ARRDC2: variants seen among roughly 807,000 people sequenced by gnomAD.
ARRDC2 encodes arrestin domain-containing protein 2.
Under a neutral mutation model 38.9 loss-of-function variants are expected in ARRDC2, and 39 were observed. The ratio of observed to expected loss-of-function variants is 1.00; its 90% CI spans 0.78 to 1.31. The LOEUF is 1.31. ARRDC2 is among the 50% of genes most tolerant of loss of function. The pLI is 0.00. For synonymous variants in ARRDC2, 300 were observed against 261.9 expected, an observed-to-expected ratio of 1.15 and a Z score of -1.41; for missense variants, 553 against 588.4, an observed-to-expected ratio of 0.94 and a Z score of 0.62.
At chr19:18,006,187 C>T (rs1456379736), upstream of ARRDC2, among the ~76,000 whole-genome samples, 53 of 151,472 alleles carry the variant, frequency 3.5e-4, no homozygotes, top group African/African-American at 1.2e-3. Flanking sequence ...AGACGATGGG[C>T]GGTCAGGCAG....
chr19:18,003,095 G>A (rs748364548), intron 1 of ARRDC2, among the ~76,000 whole-genome samples: 13 of 151,786 alleles, frequency 8.6e-5, no homozygotes, highest in Non-Finnish European at 1.2e-4. Flanking sequence ...GCGAAACTCC[G>A]TCTCAAAAAC....
chr19:18,001,449 G>C, exon 1 of ARRDC2: 4 of 1,265,506 alleles, frequency 3.2e-6, no homozygotes, highest in Non-Finnish European at 4.0e-6. Context: ...GAGCGCTCGA[G>C]GTGAAGGCGC....
In ARRDC2 at chr19:18,009,007, T is replaced by A; in HGVS notation, c.378T>A (p.Ser126Arg). 6.2e-7 allele frequency: 1 copy of A among 1,613,726 alleles called. No individual in the cohort carries two copies. The highest frequency in any genetic ancestry group is 2.2e-5 in the East Asian group (1 of 44,868). Residue 126 changes from serine (S) to arginine (R), a missense_variant, in exon 3 of 8, where the codon AGT becomes AGA. Ser to Arg is a moderately radical substitution (Grantham distance 110, BLOSUM62 -1). Coordinates refer to ENST00000222250, the MANE Select transcript of ARRDC2 (RefSeq NM_015683.2). ...CATCCTTCGAGGGCAAACACGGTAG[T>A]GTCCGCTACTGTATCAAGGCCACCC... is the stretch of plus-strand genomic sequence containing the variant. Reference protein sequence around the residue: ...LVTSFEGKHGSVRYCIKATLH... With the variant: ...LVTSFEGKHGRVRYCIKATLH...
At chr19:18,005,722 A>AC (rs1319464431), upstream of ARRDC2, among the ~76,000 whole-genome samples, 11 of 135,980 alleles carry the variant, frequency 8.1e-5, no homozygotes, top group East Asian at 8.7e-4. Context: ...TGGGGGGCTG[A>AC]CCCCCCGCCT....
At position 18,008,370 on chromosome 19, in the gene ARRDC2, C is replaced by G. The variant is rs769856978; in HGVS notation, c.60C>G (p.Val20=). The G allele has an allele frequency of 1.7e-5, 27 of 1,596,110 alleles. No individual in the cohort carries two copies. Among genetic ancestry groups the G allele is most frequent in the Non-Finnish European group, 2.3e-5 (27 of 1,178,712 alleles). Residue 20 remains valine (V), a synonymous_variant, in exon 1 of 8, where the codon GTC becomes GTG. Transcript: ENST00000222250. ...AGTTGGACGGCGCGACCGCGGGCGT[C>G]GAGCCCGTGTTTAGCGGCGGCCAGG... ...SVQLDGATAG[V]EPVFSGGQAV...
upstream of ARRDC2, chr19:18,008,121 A>ACACCC: frequency 8.2e-6 from 3 of 364,078 alleles, no homozygotes; most frequent in South Asian, 5.6e-5. Context: ...CGGTGACCCC[A>ACACCC]CCCCCCCCCG....
At position 18,008,772 on chromosome 19, in the gene ARRDC2, G is replaced by GC. The variant is rs767241138; in HGVS notation, c.341dup (p.Thr115AspfsTer12). On this transcript the variant is annotated frameshift_variant, in exon 2 of 8. Coordinates refer to ENST00000222250, the MANE Select transcript of ARRDC2 (RefSeq NM_015683.2). LOFTEE classifies it high-confidence loss of function. ...ATGAGTTCCTGTTCAGCTTCCAGCTGCCCCCGTAAGTCCTCTGGGGTGCAG... is the reference window on the plus strand; with the variant it reads ...ATGAGTTCCTGTTCAGCTTCCAGCTGCCCCCCGTAAGTCCTCTGGGGTGCAG... 6.2e-7 allele frequency: 1 copy of GC among 1,613,208 alleles called. No individual in the cohort carries two copies. The highest frequency in any genetic ancestry group is 8.5e-7 in the Non-Finnish European group (1 of 1,180,006).
In ARRDC2 at chr19:18,010,674, C is replaced by A. The variant is rs762350939; in HGVS notation, c.1115C>A (p.Pro372Gln). 1.2e-6 allele frequency: 2 copies of A among 1,613,902 alleles called. No homozygotes were observed. The highest frequency in any genetic ancestry group is 1.7e-6 in the Non-Finnish European group (2 of 1,180,024). ...GACCCCGACATGAGCCTTGAAGGCC[C>A]GTTCTTCGCCTACATCCAAGAGTTC... The part of the protein sequence containing the change: ...PQDPDMSLEG[P>Q]FFAYIQEFRY... Residue 372 changes from proline to glutamine, a missense_variant, in exon 7 of 8, where the codon CCG becomes CAG. Physicochemically the swap from Pro to Gln is moderately conservative, Grantham distance 76 (BLOSUM62 -1). Transcript: ENST00000222250.
Position 18,008,186 on chromosome 19 carries a change from T to G in ARRDC2, c.-125T>G. ...CGGCGCGGGGATTTTCTGCTCCGGT[T>G]GGTGAGCGCGCCTGCGCGTTGACGG... On this transcript the variant is annotated 5_prime_UTR_variant, in exon 1 of 8. Transcript: ENST00000222250. The G allele has an allele frequency of 7.9e-7, 1 of 1,266,894 alleles. No individual in the cohort carries two copies. The highest frequency in any genetic ancestry group is 1.0e-6 in the Non-Finnish European group (1 of 993,516). The allele number at this position is 1,266,894 out of a possible 1,614,324, so 78.5% of individuals were successfully genotyped here. A position where few individuals can be genotyped will look rare whatever the true frequency, so the allele number is the denominator to read the frequency against.
intron 7 of ARRDC2, among the ~76,000 whole-genome samples, chr19:18,012,237 G>T (rs2033429068): frequency 1.3e-5 from 2 of 151,796 alleles, no homozygotes; most frequent in Admixed American, 1.3e-4. Flanking sequence ...GGGATTACAG[G>T]CGTGAGCCAC....
At chr19:18,008,899 T>C (rs2033342867) in intron 2 of ARRDC2, 72 bp from the exon 3 acceptor site, 1 of 1,599,560 alleles carries the variant, frequency 6.3e-7, no homozygotes, top group Non-Finnish European at 8.5e-7. Context: ...GCCCCCGGAG[T>C]GTCTGTGTCT....
At chr19:18,012,810 C>T in intron 7 of ARRDC2, 103 bp from the exon 8 acceptor site, 2 of 1,266,322 alleles carry the variant, frequency 1.6e-6, no homozygotes, top group Non-Finnish European at 1.1e-6. Flanking sequence ...ATGGCCTCAT[C>T]CCTGGTCAAG....
chr19:18,008,464 C>T lies in ARRDC2; in HGVS notation c.154C>T (p.Arg52Trp). The T allele has an allele frequency of 3.3e-6, 5 of 1,531,428 alleles. No individual in the cohort carries two copies. Among genetic ancestry groups the T allele is most frequent in the South Asian group, 1.2e-5 (1 of 84,110 alleles). The allele number at this position is 1,531,428 out of a possible 1,614,324, so 94.9% of individuals were successfully genotyped here. A position where few individuals can be genotyped will look rare whatever the true frequency, so the allele number is the denominator to read the frequency against. Residue 52 changes from arginine to tryptophan, a missense_variant, in exon 1 of 8, where the codon CGG becomes TGG. Arg to Trp is a moderately radical substitution (Grantham distance 101). Transcript: ENST00000222250. ...ARVGALRLRA[R>W]GRAHVHWTES... ...TGTGGGTGCCCTGAGGCTGCGCGCG[C>T]GGGGCCGCGCCCACGTGCACTGGAC... is the stretch of plus-strand genomic sequence containing the variant.
chr19:18,004,335 C>T (rs570817372), upstream of ARRDC2, among the ~76,000 whole-genome samples: 2 of 149,754 alleles, frequency 1.3e-5, no homozygotes, highest in East Asian at 4.2e-4. Context: ...GCAACCTCCA[C>T]CTCCCAGGTT....
chr19:18,002,300 G>A (rs569774227), intron 1 of ARRDC2, among the ~76,000 whole-genome samples: 2 of 152,194 alleles, frequency 1.3e-5, no homozygotes, highest in Admixed American at 1.3e-4. Flanking sequence ...GGGAAGAGAT[G>A]AAGTGGGGTC....
upstream of ARRDC2, chr19:18,008,082 T>C: frequency 8.4e-7 from 1 of 1,187,938 alleles, no homozygotes; most frequent in East Asian, 3.3e-5. Context: ...GCGCTATTGG[T>C]GGAGTCCCTT....
Position 18,010,627 on chromosome 19 carries a change from G to A in ARRDC2, c.1068G>A (p.Gln356=), listed in dbSNP as rs1465284040. Residue 356 remains glutamine (Q), a synonymous_variant, in exon 7 of 8, where the codon CAG becomes CAA. Coordinates refer to ENST00000222250, the MANE Select transcript of ARRDC2 (RefSeq NM_015683.2). ...ACACTGAGGAGGCAGCCTTGGGGCA[G>A]AGCCCCTTCCCGCTTCCGCAGGACC... is the stretch of plus-strand genomic sequence containing the variant. ...VADTEEAALG[Q]SPFPLPQDPD... is the part of the protein sequence containing the mutation. 5.0e-6 allele frequency: 8 copies of A among 1,613,816 alleles called. No individual in the cohort carries two copies. The highest frequency in any genetic ancestry group is 6.8e-6 in the Non-Finnish European group (8 of 1,179,944).
At position 18,009,712 on chromosome 19, in the gene ARRDC2, C is replaced by A. The variant is rs889995585; in HGVS notation, c.592+18C>A. 1.2e-6 allele frequency: 2 copies of A among 1,612,066 alleles called. No individual in the cohort carries two copies. The highest frequency in any genetic ancestry group is 1.3e-5 in the African/African-American group (1 of 74,858). ...CACCCCAGGTAGCAGGCGGACCGGA[C>A]TGGGTTGGGACGGGGGCTGGTGTTG... On this transcript the variant is annotated intron_variant, in intron 4 of 7. Coordinates refer to ENST00000222250, the MANE Select transcript of ARRDC2 (RefSeq NM_015683.2).
upstream of ARRDC2, among the ~76,000 whole-genome samples, chr19:18,003,299 C>T (rs1457827539): frequency 6.6e-6 from 1 of 152,062 alleles, no homozygotes; most frequent in East Asian, 1.9e-4. Context: ...CAGGGTCTTA[C>T]TCTGTTACTC....
Sources: gnomAD v4.1 joint callset for allele counts (sites outside exome capture counted in the v4.1 genomes callset) on GRCh38, gnomAD v4.1.1 for gene constraint, MANE v1.5 for transcripts, NCBI Gene and HGNC (gene_info 2026-07-23, HGNC 2026-07-21) for gene names.